Variants in ERICH1 observed in about 807,000 individuals in gnomAD.
The protein encoded by ERICH1 is glutamate rich 1.
A neutral mutation model predicts 39.6 loss-of-function variants in ERICH1; 56 were observed. The ratio of observed to expected loss-of-function variants is 1.41; its 90% CI spans 1.14 to 1.77. ERICH1 has a LOEUF of 1.77. ERICH1 is among the 40% of genes most tolerant of loss of function. The pLI is 0.00. For synonymous variants in ERICH1, 313 were observed against 223.6 expected (o/e 1.40, Z -3.57); for missense variants, 826 against 575.4 (o/e 1.44, Z -4.45).
At chr8:676,501 C>CG (rs1408404822) in intron 3 of ERICH1, among the ~76,000 whole-genome samples, 7 of 131,996 alleles carry the variant, frequency 5.3e-5, no homozygotes, top group African/African-American at 8.5e-5. Context: ...GGCGGCCCCT[C>CG]GTGAGGACAG....
intron 3 of ERICH1, chr8:627,063 G>C (rs1242506758): frequency 2.2e-6 from 1 of 453,250 alleles, no homozygotes; most frequent in African/African-American, 2.0e-5. Context: ...AGGCTTCCGT[G>C]CTCTGGGCTC....
chr8:707,269 G>GCA lies in ERICH1; in HGVS notation c.169+8591_169+8592insTG, dbSNP rs1585537028. ...ATCACCCAGGCTGGAGTGCAATGAT[G>GCA]CGATCTTGGCTCACTGCAACCTCTG... On this transcript the variant is annotated intron_variant, in intron 2 of 5. Transcript: ENST00000262109. Among the ~76,000 whole-genome samples the GCA allele has an allele frequency of 3.5e-5, 5 of 143,898 alleles. No homozygotes were observed. The East Asian group carries it at 1.0e-3, about 29-fold the overall frequency. The allele number at this position is 143,898 out of a possible 152,430, so 94.4% of individuals were successfully genotyped here.
intron 2 of ERICH1, among the ~76,000 whole-genome samples, chr8:707,511 A>T (rs1813583212): frequency 6.6e-6 from 1 of 152,120 alleles, no homozygotes; most frequent in African/African-American, 2.4e-5. Flanking sequence ...CTGGCTGCCA[A>T]CTGATTTTCA....
intron 1 of ERICH1, among the ~76,000 whole-genome samples, chr8:728,779 C>T (rs1210609604): frequency 6.6e-6 from 1 of 152,182 alleles, no homozygotes; most frequent in East Asian, 1.9e-4. Flanking sequence ...ACATAGAGCA[C>T]ATTTGAGGAA....
At chr8:712,213 T>C (rs145814900) in intron 2 of ERICH1, among the ~76,000 whole-genome samples, 9 of 152,348 alleles carry the variant, frequency 5.9e-5, no homozygotes, top group East Asian at 5.8e-4. Flanking sequence ...CAGGATTGTA[T>C]TGAATGTGTA....
chr8:694,738 G>A (rs1344021350), intron 2 of ERICH1, among the ~76,000 whole-genome samples: 1 of 152,172 alleles, frequency 6.6e-6, no homozygotes, highest in Non-Finnish European at 1.5e-5. Flanking sequence ...ATATTCTTTT[G>A]GGTAATGTAT....
chr8:655,292 G>A (rs1345621119), intron 3 of ERICH1, among the ~76,000 whole-genome samples: 1 of 152,176 alleles, frequency 6.6e-6, no homozygotes, highest in Non-Finnish European at 1.5e-5. Context: ...ACGCTCAGAC[G>A]CCCTCATGCC....
intron 3 of ERICH1, among the ~76,000 whole-genome samples, chr8:624,975 C>G (rs1444917433): frequency 1.3e-5 from 2 of 152,096 alleles, no homozygotes; most frequent in African/African-American, 4.8e-5. Flanking sequence ...ATCCGCTTGC[C>G]TCGGCCACCC....
In ERICH1 at chr8:673,392, C is replaced by A. The variant is rs1803881143; in HGVS notation, c.960G>T (p.Glu320Asp). Reference protein sequence around the residue: ...GEEEGADSGEEDGADASEEDD... With the variant: ...GEEEGADSGEDDGADASEEDD... The stretch of plus-strand genomic sequence containing the variant: ...CTTCCTCGCTGGCGTCTGCACCGTC[C>A]TCCTCCCCGGAGTCTGCACCCTCTT... Residue 320 changes from glutamate (E) to aspartate (D), a missense_variant, in exon 4 of 6, where the codon GAG becomes GAT. Glu to Asp is a conservative substitution (Grantham distance 45). Transcript: ENST00000262109. The A allele has an allele frequency of 1.9e-6, 3 of 1,613,796 alleles. No homozygotes were observed. In the East Asian group the frequency reaches 6.7e-5, roughly 36 times the overall value.
chr8:652,030 G>T (rs1800022032), intron 3 of ERICH1, among the ~76,000 whole-genome samples: 2 of 152,190 alleles, frequency 1.3e-5, no homozygotes, highest in African/African-American at 4.8e-5. Flanking sequence ...AGTTGCTGAG[G>T]CATCCGGGGA....
chr8:728,935 T>C (rs1317958599), intron 1 of ERICH1, among the ~76,000 whole-genome samples: 3 of 148,544 alleles, frequency 2.0e-5, no homozygotes, highest in African/African-American at 7.4e-5. Flanking sequence ...AAAAAAAAAA[T>C]GCTTAGAATC....
At position 651,502 on chromosome 8, in the gene ERICH1, G is replaced by C. The variant is rs542972938; in HGVS notation, c.976+17096C>G. ...TGGCAATGGGGCAGGTGGAGAAAAT[G>C]CAGGAGCCAGCCCGGAGAGGCTCCC... On this transcript the variant is annotated intron_variant, in intron 3 of 3. Transcript: ENST00000522706. Among the ~76,000 whole-genome samples the C allele has an allele frequency of 1.2e-4, 18 of 152,308 alleles. No individual in the cohort carries two copies. In the East Asian group the frequency reaches 3.5e-3, roughly 29 times the overall value.
intron 2 of ERICH1, among the ~76,000 whole-genome samples, chr8:695,152 G>A (rs997494572): frequency 6.6e-6 from 1 of 151,928 alleles, no homozygotes; most frequent in Non-Finnish European, 1.5e-5. Flanking sequence ...AGCTCCTCTG[G>A]GCTGCTCCTG....
Position 647,626 on chromosome 8 carries a change from A to G in ERICH1, c.976+20972T>C, listed in dbSNP as rs1799545292. On this transcript the variant is annotated intron_variant, in intron 3 of 3. Transcript: ENST00000522706. ...CTGCTAGGAGGGGAAAACACAAACGAATGGGTCACAGGTGACCCGGGAAGC... is the reference window on the plus strand; with the variant it reads ...CTGCTAGGAGGGGAAAACACAAACGGATGGGTCACAGGTGACCCGGGAAGC... Among the ~76,000 whole-genome samples, 2 of 67,350 alleles carry G rather than the reference A, an allele frequency of 3.0e-5. 1 individual carries two copies. The highest frequency in any genetic ancestry group is 1.1e-3 in the South Asian group (2 of 1,798). The allele number at this position is 67,350 out of a possible 152,430, so 44.2% of individuals were successfully genotyped here.
At chr8:642,814 T>C (rs1799169529) in intron 3 of ERICH1, among the ~76,000 whole-genome samples, 1 of 152,082 alleles carries the variant, frequency 6.6e-6, no homozygotes, top group Non-Finnish European at 1.5e-5. Context: ...ACACCCAGGA[T>C]GTCTACAGGA....
intron 2 of ERICH1, among the ~76,000 whole-genome samples, chr8:694,508 G>A (rs1034520629): frequency 2.0e-5 from 3 of 152,202 alleles, no homozygotes; most frequent in East Asian, 1.9e-4. Flanking sequence ...AAACAAGGAT[G>A]CAGCTAAGAG....
At chr8:679,964 C>T (rs1235830692) in intron 3 of ERICH1, among the ~76,000 whole-genome samples, 5 of 27,420 alleles carry the variant, frequency 1.8e-4, no homozygotes, top group East Asian at 1.6e-3. Flanking sequence ...ATAGCTGCCA[C>T]CCCTGTGAAC....
At chr8:675,158 T>C (rs62487386) in intron 3 of ERICH1, among the ~76,000 whole-genome samples, 1,404 of 41,216 alleles carry the variant, frequency 0.034, 132 homozygotes, top group Non-Finnish European at 0.057. Context: ...CGGCCCCTCG[T>C]GAGGACAGAG....
At chr8:650,039 C>G (rs1444134188) in intron 3 of ERICH1, among the ~76,000 whole-genome samples, 1 of 152,234 alleles carries the variant, frequency 6.6e-6, no homozygotes, top group Non-Finnish European at 1.5e-5. Context: ...CTGCGCTGAG[C>G]GCGACCTGCG....
Sources: gnomAD v4.1 joint callset for allele counts (sites outside exome capture counted in the v4.1 genomes callset) on GRCh38, gnomAD v4.1.1 for gene constraint, MANE v1.5 for transcripts, NCBI Gene and HGNC (gene_info 2026-07-23, HGNC 2026-07-21) for gene names.